The following ARHGEF3 variants were observed in gnomAD, a reference collection of about 807,000 sequenced individuals.
ARHGEF3 encodes the protein Rho guanine nucleotide exchange factor 3.
Under a neutral mutation model 63.2 loss-of-function variants are expected in ARHGEF3, and 28 were observed. The ratio of observed to expected loss-of-function variants is 0.44; its 90% confidence interval spans 0.33 to 0.61. The LOEUF (loss-of-function observed/expected upper bound fraction) is 0.61, where lower values mean the gene tolerates loss of function less well. Ranked by LOEUF, ARHGEF3 falls within the 20% of genes least tolerant of loss-of-function variation. The pLI is 0.03. For missense variants in ARHGEF3, 533 were observed against 659.3 expected, an observed-to-expected ratio of 0.81 and a Z score of 2.10; for synonymous variants, 266 against 254.2, an observed-to-expected ratio of 1.05 and a Z score of -0.44.
At chr3:56,976,753 C>G (rs2106879467) in intron 2 of ARHGEF3, among the ~76,000 whole-genome samples, 1 of 152,228 alleles carries the variant, frequency 6.6e-6, no homozygotes, top group Non-Finnish European at 1.5e-5. Flanking sequence ...TGGGGCCACA[C>G]ATAAAAACAT....
chr3:57,000,019 C>G (rs1482737954), intron 2 of ARHGEF3, among the ~76,000 whole-genome samples: 1 of 152,148 alleles, frequency 6.6e-6, no homozygotes, highest in African/African-American at 2.4e-5. Context: ...GACTTAACCC[C>G]TCTGAGCCTC....
intron 1 of ARHGEF3, among the ~76,000 whole-genome samples, chr3:56,781,551 T>C (rs2036569297): frequency 6.6e-6 from 1 of 152,206 alleles, no homozygotes. Context: ...CGGCCTCTGC[T>C]GACATTTTCA....
intron 3 of ARHGEF3, among the ~76,000 whole-genome samples, chr3:56,928,271 C>T (rs143955312): frequency 6.6e-6 from 1 of 152,252 alleles, no homozygotes; most frequent in East Asian, 1.9e-4. Context: ...ATCATTGCCA[C>T]CTTATCACCA....
chr3:56,936,075 C>T (rs1698887010), intron 3 of ARHGEF3, among the ~76,000 whole-genome samples: 1 of 152,074 alleles, frequency 6.6e-6, no homozygotes, highest in Non-Finnish European at 1.5e-5. Context: ...ACTTGTGAAG[C>T]CCAGTGCAAG....
At chr3:57,007,188 T>C (rs1702501355) in intron 2 of ARHGEF3, 1 of 1,281,208 alleles carries the variant, frequency 7.8e-7, no homozygotes, top group African/African-American at 1.5e-5. Flanking sequence ...TCACATGAAT[T>C]CTCAGTTTGT....
intron 2 of ARHGEF3, chr3:57,035,031 T>C: frequency 7.2e-7 from 1 of 1,379,786 alleles, no homozygotes; most frequent in Non-Finnish European, 9.8e-7. Context: ...TTCATTTAAT[T>C]GTTGCATACA....
intron 1 of ARHGEF3, among the ~76,000 whole-genome samples, chr3:57,065,192 C>T (rs900966002): frequency 3.9e-5 from 6 of 152,130 alleles, no homozygotes; most frequent in South Asian, 4.1e-4. Context: ...CAGTGGCTCA[C>T]GCCTCACGCC....
chr3:57,012,870 G>A (rs972116271), intron 2 of ARHGEF3, among the ~76,000 whole-genome samples: 1 of 152,210 alleles, frequency 6.6e-6, no homozygotes, highest in South Asian at 2.1e-4. Context: ...TCTGCTTGCA[G>A]AGGGATGTGG....
chr3:56,765,496 T>C (rs1161597870), intron 2 of ARHGEF3, among the ~76,000 whole-genome samples: 3 of 152,174 alleles, frequency 2.0e-5, no homozygotes, highest in Non-Finnish European at 4.4e-5. Flanking sequence ...TTTATGACCT[T>C]GGACCAAGGG....
At chr3:56,819,558 C>T (rs949754102) in intron 4 of ARHGEF3, among the ~76,000 whole-genome samples, 1 of 151,116 alleles carries the variant, frequency 6.6e-6, no homozygotes, top group African/African-American at 2.4e-5. Context: ...GTCTCCCAAG[C>T]TGGAGTGCAG....
intron 4 of ARHGEF3, among the ~76,000 whole-genome samples, chr3:56,846,512 T>C (rs918794066): frequency 6.6e-6 from 1 of 152,212 alleles, no homozygotes; most frequent in African/African-American, 2.4e-5. Context: ...AGTGCTGTTT[T>C]GTCACATGGA....
chr3:57,028,692 T>TA (rs61646211), intron 2 of ARHGEF3, among the ~76,000 whole-genome samples: 14 of 139,772 alleles, frequency 1.0e-4, no homozygotes, highest in Non-Finnish European at 1.5e-4. Context: ...TAAAGTATAA[T>TA]AAAAAAAAAA....
At chr3:57,079,256 G>A (rs1344580970) in exon 1 of ARHGEF3, 2 of 395,764 alleles carry the variant, frequency 5.1e-6, no homozygotes, top group Non-Finnish European at 8.9e-6. Context: ...GGCCTCTCCA[G>A]GCTGGAAAAC....
At chr3:57,067,710 G>A (rs561696125) in intron 1 of ARHGEF3, among the ~76,000 whole-genome samples, 2 of 150,992 alleles carry the variant, frequency 1.3e-5, no homozygotes, top group Non-Finnish European at 3.0e-5. Context: ...GACCAGGCAC[G>A]GTGGCTCATG....
chr3:57,073,693 C>T (rs1267783441), intron 1 of ARHGEF3: 1 of 1,606,586 alleles, frequency 6.2e-7, no homozygotes, highest in Admixed American at 1.7e-5. Context: ...GACTTGGGCC[C>T]CATGTCCAGT....
chr3:57,078,681 G>C (rs1018287896), intron 1 of ARHGEF3: 3 of 152,246 alleles, frequency 2.0e-5, no homozygotes, highest in Non-Finnish European at 4.4e-5. Context: ...GGCAGGCTGG[G>C]ACGGCGCCCG....
chr3:56,859,516 T>C (rs1169992886), intron 4 of ARHGEF3, among the ~76,000 whole-genome samples: 2 of 150,920 alleles, frequency 1.3e-5, no homozygotes, highest in Admixed American at 1.3e-4. Context: ...ACATCCCTCT[T>C]GCCACCCCCT....
intron 3 of ARHGEF3, among the ~76,000 whole-genome samples, chr3:56,928,546 G>A (rs1343017889): frequency 1.3e-5 from 2 of 152,152 alleles, no homozygotes; most frequent in Admixed American, 6.5e-5. Context: ...GTAGGGCCAT[G>A]GTGCAAACTA....
rs368192426 is a variant in ARHGEF3 at position 57,051,339 on chromosome 3, T to C, written c.-27-16163A>G. Among the ~76,000 whole-genome samples, 164 of 151,824 alleles carry C rather than the reference T, an allele frequency of 1.1e-3. 1 individual carries two copies. Among genetic ancestry groups the C allele is most frequent in the African/African-American group, 3.8e-3 (156 of 41,412 alleles). ...CCCATCTCTACTAAAAATACAAAATTAGCCAGGTGTGGTGGTGCATGCCTG... is the reference window on the plus strand; with the variant it reads ...CCCATCTCTACTAAAAATACAAAATCAGCCAGGTGTGGTGGTGCATGCCTG... On this transcript the variant is annotated intron_variant, in intron 1 of 12. Transcript: ENST00000338458.
Sources: allele counts gnomAD v4.1 joint callset (sites outside exome capture counted in the v4.1 genomes callset), GRCh38; gene constraint gnomAD v4.1.1; transcripts MANE v1.5; gene names NCBI Gene and HGNC (gene_info 2026-07-23, HGNC 2026-07-21).